TNRC6A: variants seen among roughly 807,000 people sequenced by gnomAD.
TNRC6A encodes the protein trinucleotide repeat-containing gene 6A protein.
In TNRC6A, 44 loss-of-function variants were observed where a neutral mutation model predicts 221.2. That is an observed-to-expected ratio of 0.20 (90% CI 0.16 to 0.26). The LOEUF (loss-of-function observed/expected upper bound fraction) is 0.26, where lower values mean the gene tolerates loss of function less well. Ranked by LOEUF, TNRC6A falls within the 10% of genes least tolerant of loss-of-function variation. The pLI is 1.00. For synonymous variants in TNRC6A, 847 were observed against 838.5 expected (o/e 1.01, Z -0.18); for missense variants, 2,199 against 2,404.4 (o/e 0.91, Z 1.79).
intron 18 of TNRC6A, among the ~76,000 whole-genome samples, chr16:24,811,291 AG>A (rs2058538935): frequency 6.6e-6 from 1 of 152,170 alleles, no homozygotes; most frequent in Non-Finnish European, 1.5e-5. Context: ...TTGACTAGGA[AG>A]TTCTGCATTA....
At chr16:24,638,645 G>A (rs551079337) in intron 1 of TNRC6A, among the ~76,000 whole-genome samples, 5 of 151,980 alleles carry the variant, frequency 3.3e-5, no homozygotes, top group Non-Finnish European at 7.4e-5. Context: ...CCCAGGAGGC[G>A]GAGGTTGCAG....
intron 20 of TNRC6A, among the ~76,000 whole-genome samples, chr16:24,817,410 G>A (rs1006162867): frequency 2.0e-5 from 3 of 152,136 alleles, no homozygotes; most frequent in African/African-American, 4.8e-5. Flanking sequence ...TGTAAAAGAC[G>A]TTATATTATT....
chr16:24,634,575 A>G (rs578089022), intron 1 of TNRC6A, among the ~76,000 whole-genome samples: 40 of 152,306 alleles, frequency 2.6e-4, no homozygotes, highest in Non-Finnish European at 5.4e-4. Context: ...GAGTATTAAT[A>G]TACCACAGGT....
chr16:24,617,698 A>G (rs760875358), intron 1 of TNRC6A, among the ~76,000 whole-genome samples: 12 of 152,058 alleles, frequency 7.9e-5, no homozygotes, highest in African/African-American at 1.2e-4. Context: ...GAGACTAAAT[A>G]ACTCACCCAG....
At chr16:24,743,641 G>A (rs1280552291) in intron 2 of TNRC6A, among the ~76,000 whole-genome samples, 1 of 152,154 alleles carries the variant, frequency 6.6e-6, no homozygotes, top group East Asian at 1.9e-4. Context: ...GTTAATTTCC[G>A]ATGTAGAGAA....
chr16:24,783,285 T>C (rs924650977), intron 5 of TNRC6A, among the ~76,000 whole-genome samples: 1 of 152,104 alleles, frequency 6.6e-6, no homozygotes, highest in African/African-American at 2.4e-5. Context: ...TCCACCACCA[T>C]GCCCAGCTAA....
At chr16:24,660,738 T>TC (rs2055012175) in intron 2 of TNRC6A, among the ~76,000 whole-genome samples, 2 of 126,932 alleles carry the variant, frequency 1.6e-5, no homozygotes, top group Non-Finnish European at 3.1e-5. Flanking sequence ...CTTTTTTTTT[T>TC]CTTTTTTTTT....
intron 6 of TNRC6A, among the ~76,000 whole-genome samples, chr16:24,792,980 G>C (rs932491245): frequency 6.6e-6 from 1 of 152,010 alleles, no homozygotes; most frequent in Admixed American, 6.6e-5. Context: ...GTAGAGACCA[G>C]GTTTTGCCAT....
At chr16:24,769,683 T>G (rs1029318182) in intron 4 of TNRC6A, among the ~76,000 whole-genome samples, 2 of 152,144 alleles carry the variant, frequency 1.3e-5, no homozygotes, top group Non-Finnish European at 2.9e-5. Context: ...GAGCAGAGAT[T>G]TATTTAAAAC....
chr16:24,610,884 C>G (rs903385705), intron 1 of TNRC6A, among the ~76,000 whole-genome samples: 1 of 152,100 alleles, frequency 6.6e-6, no homozygotes, highest in South Asian at 2.1e-4. Context: ...AATCTCGGCT[C>G]GCTGCAACCT....
At chr16:24,749,191 A>T (rs1202604339) in intron 2 of TNRC6A, among the ~76,000 whole-genome samples, 1 of 152,212 alleles carries the variant, frequency 6.6e-6, no homozygotes, top group East Asian at 1.9e-4. Context: ...TGATGACTAC[A>T]GGTAGCCGGA....
chr16:24,821,217 GT>G (rs2152111322), intron 22 of TNRC6A, among the ~76,000 whole-genome samples: 1 of 152,278 alleles, frequency 6.6e-6, no homozygotes, highest in Non-Finnish European at 1.5e-5. Context: ...GGTGTGAGTG[GT>G]TTTTGGAGGC....
chr16:24,806,367 G>T, intron 16 of TNRC6A, 84 bp downstream of exon 16: 1 of 1,528,254 alleles, frequency 6.5e-7, no homozygotes. Context: ...ATTCAGAAAT[G>T]TCTTTCTTAA....
intron 2 of TNRC6A, among the ~76,000 whole-genome samples, chr16:24,643,060 CATATATATTAT>C (rs1284350873): frequency 6.9e-4 from 88 of 127,334 alleles, no homozygotes; most frequent in Middle Eastern, 3.9e-3. Context: ...ATATATATAA[CATATATATTAT>C]ATATATATTA....
chr16:24,807,587 A>T (rs1032607810), intron 17 of TNRC6A, among the ~76,000 whole-genome samples: 5 of 152,322 alleles, frequency 3.3e-5, no homozygotes, highest in Admixed American at 2.0e-4. Context: ...ATATAAATTT[A>T]AAAATGGAGG....
chr16:24,726,675 G>A (rs73548943), upstream of TNRC6A, among the ~76,000 whole-genome samples: 1,135 of 152,278 alleles, frequency 7.5e-3, 10 homozygotes, highest in African/African-American at 0.025. Context: ...TTGGGAACGA[G>A]AGCAGAAAAA....
chr16:24,693,219 C>A (rs1035939064), intron 2 of TNRC6A, among the ~76,000 whole-genome samples: 2 of 151,892 alleles, frequency 1.3e-5, no homozygotes, highest in Non-Finnish European at 2.9e-5. Flanking sequence ...CTTTGGGAGG[C>A]CGAGGTGGGA....
chr16:24,662,815 C>T (rs930755727), intron 2 of TNRC6A: 1 of 153,756 alleles, frequency 6.5e-6, no homozygotes, highest in Non-Finnish European at 1.5e-5. Context: ...AGAATAACTC[C>T]TCGTCCTGGT....
intron 2 of TNRC6A, among the ~76,000 whole-genome samples, chr16:24,679,032 C>G (rs2055476744): frequency 7.2e-6 from 1 of 138,910 alleles, no homozygotes; most frequent in Non-Finnish European, 1.5e-5. Flanking sequence ...GAGTTTCGCT[C>G]TTGTTGCCCA....
Sources: allele counts gnomAD v4.1 joint callset (sites outside exome capture counted in the v4.1 genomes callset), GRCh38; gene constraint gnomAD v4.1.1; transcripts MANE v1.5; gene names NCBI Gene and HGNC (gene_info 2026-07-23, HGNC 2026-07-21).